Variants in NOTCH3 observed in about 807,000 individuals in gnomAD.
NOTCH3 encodes neurogenic locus notch homolog protein 3.
A neutral mutation model predicts 213.3 loss-of-function variants in NOTCH3; 86 were observed. That is an observed-to-expected ratio of 0.40 (90% CI 0.34 to 0.48). The LOEUF is 0.48. NOTCH3 is among the 20% of genes least tolerant of loss of function. The probability of loss-of-function intolerance (pLI) is 0.57; values close to 1 mark genes in which losing one functional copy is unlikely to be tolerated. For synonymous variants in NOTCH3, 1,354 were observed against 1,355.9 expected, an observed-to-expected ratio of 1.00 and a Z score of 0.03; for missense variants, 2,783 against 3,272.6, an observed-to-expected ratio of 0.85 and a Z score of 3.65.
Position 15,161,547 on chromosome 19 carries a change from G to A in NOTCH3, c.6081C>T (p.Pro2027=). The A allele has an allele frequency of 6.2e-7, 1 of 1,607,064 alleles. No individual in the cohort carries two copies. The highest frequency in any genetic ancestry group is 8.5e-7 in the Non-Finnish European group (1 of 1,177,126). The change falls in exon 33 of 33, where the codon CCC becomes CCT. Residue 2027 remains proline (P), a synonymous_variant. Transcript: ENST00000263388. The stretch of plus-strand genomic sequence containing the variant: ...GACCGGGGGGGCTGCGGGGCCCACT[G>A]GGTTGATCCAGCAAGCGCACGATGT... The part of the protein sequence containing the change: ...HQDIVRLLDQ[P]SGPRSPPGPH...
chr19:15,181,564 G>A lies in NOTCH3; in HGVS notation c.2792+12C>T. The A allele has an allele frequency of 6.5e-7, 1 of 1,548,408 alleles. No homozygotes were observed. Among genetic ancestry groups the A allele is most frequent in the Non-Finnish European group, 8.7e-7 (1 of 1,145,152 alleles). ...CCAGAGTCCCTGCTCTCCAAGCAGAGGCCCCGCCCACCTGGGGCTGCAGTC... is the reference window on the plus strand; with the variant it reads ...CCAGAGTCCCTGCTCTCCAAGCAGAAGCCCCGCCCACCTGGGGCTGCAGTC... On this transcript the variant is annotated intron_variant, in intron 17 of 32. Transcript: ENST00000263388.
At chr19:15,173,686 G>A (rs899466712) in intron 25 of NOTCH3, among the ~76,000 whole-genome samples, 4 of 140,290 alleles carry the variant, frequency 2.9e-5, no homozygotes, top group African/African-American at 5.3e-5. Context: ...CTGAGATCAC[G>A]CCACTGCACT....
chr19:15,181,144 C>T lies in NOTCH3; in HGVS notation c.2811G>A (p.Gly937=). 6.2e-7 allele frequency: 1 copy of T among 1,610,468 alleles called. No individual in the cohort carries two copies. Among genetic ancestry groups the T allele is most frequent in the African/African-American group, 1.3e-5 (1 of 75,024 alleles). Residue 937 remains glycine, a synonymous_variant, in exon 18 of 33, where the codon GGG becomes GGA. Coordinates refer to ENST00000263388, the MANE Select transcript of NOTCH3 (RefSeq NM_000435.3). ...DCSPSSCFNG[G]TCVDGVNSFS... ...ACGAGTTCACGCCGTCCACACAGGT[C>T]CCGCCATTGAAGCAGGAGCTGGAGC...
chr19:15,191,889 A>T, intron 4 of NOTCH3, 22 bp from the exon 5 acceptor site: 1 of 1,613,862 alleles, frequency 6.2e-7, no homozygotes, highest in Non-Finnish European at 8.5e-7. Context: ...GGGGGCAAGG[A>T]TGGTCACCGC....
chr19:15,170,233 G>T, intron 27 of NOTCH3, 63 bp from the exon 28 acceptor site: 1 of 1,505,332 alleles, frequency 6.6e-7, no homozygotes, highest in Non-Finnish European at 9.2e-7. Flanking sequence ...TGGGAAGGAG[G>T]ATTTGGGGTG....
chr19:15,181,534 C>G, intron 17 of NOTCH3, 42 bp downstream of exon 17: 1 of 1,518,996 alleles, frequency 6.6e-7, no homozygotes, highest in African/African-American at 1.4e-5. Flanking sequence ...AGGCCCCATC[C>G]CAAGCCAGAG....
intron 16 of NOTCH3, among the ~76,000 whole-genome samples, chr19:15,182,262 T>C (rs897607541): frequency 6.6e-6 from 1 of 151,966 alleles, no homozygotes; most frequent in Non-Finnish European, 1.5e-5. Context: ...ATCCCAGCAC[T>C]TTGGGAGGCC....
chr19:15,161,843 G>A (rs981065305), intron 32 of NOTCH3, 129 bp from the exon 33 acceptor site: 3 of 751,322 alleles, frequency 4.0e-6, no homozygotes, highest in African/African-American at 1.8e-5. Flanking sequence ...GTTAAATCCC[G>A]GCTGTGCTGG....
intron 24 of NOTCH3, among the ~76,000 whole-genome samples, chr19:15,175,811 T>C (rs1055004034): frequency 2.0e-5 from 3 of 151,122 alleles, no homozygotes; most frequent in Non-Finnish European, 4.4e-5. Context: ...AAGGCCCTGA[T>C]ATGGGATCAA....
At chr19:15,178,773 CCA>C (rs1213414285) in intron 23 of NOTCH3, 48 bp downstream of exon 23, 4 of 1,338,716 alleles carry the variant, frequency 3.0e-6, no homozygotes, top group Non-Finnish European at 4.2e-6. Context: ...CCCTACTACT[CCA>C]GAGGCCACGC....
chr19:15,184,272 C>T (rs2046863487), intron 16 of NOTCH3, 23 bp downstream of exon 16: 2 of 1,612,570 alleles, frequency 1.2e-6, no homozygotes, highest in East Asian at 2.2e-5. Flanking sequence ...GAGCAGCACC[C>T]CCAAGAGCTC....
chr19:15,200,722 G>T, intron 1 of NOTCH3, 66 bp downstream of exon 1: 1 of 1,160,664 alleles, frequency 8.6e-7, no homozygotes, highest in Non-Finnish European at 1.1e-6. Context: ...GCCAGCCCCG[G>T]CCTTGGGGGT....
intron 31 of NOTCH3, among the ~76,000 whole-genome samples, chr19:15,163,400 C>A (rs2046661203): frequency 6.6e-6 from 1 of 152,214 alleles, no homozygotes; most frequent in Admixed American, 6.5e-5. Context: ...TGAGCTCCAA[C>A]TATAGAACTA....
Position 15,187,048 on chromosome 19 carries a change from C to G in NOTCH3, c.1840+57G>C, listed in dbSNP as rs1035484828. ...ACTGTGCCCCACTAGATGCACCATT[C>G]CCAAACCCTCTGTGCCCCTCCAGGT... On this transcript the variant is annotated intron_variant, in intron 11 of 32. Coordinates refer to ENST00000263388, the MANE Select transcript of NOTCH3 (RefSeq NM_000435.3). 43 of 1,606,168 alleles carry G rather than the reference C, an allele frequency of 2.7e-5. No individual in the cohort carries two copies. In the Admixed American group the frequency reaches 7.3e-4, roughly 27 times the overall value.
At chr19:15,188,827 A>G (rs910361906) in intron 8 of NOTCH3, among the ~76,000 whole-genome samples, 162 bp downstream of exon 8, 6 of 152,138 alleles carry the variant, frequency 3.9e-5, no homozygotes, top group Non-Finnish European at 5.9e-5. Flanking sequence ...AGAATCACAC[A>G]GTATTCCCTT....
rs753801611 is a variant in NOTCH3, at chr19:15,186,926, G to C, written c.1903C>G (p.Arg635Gly). 1.2e-6 allele frequency: 2 copies of C among 1,614,062 alleles called. No homozygotes were observed. Among genetic ancestry groups the C allele is most frequent in the Non-Finnish European group, 1.7e-6 (2 of 1,180,048 alleles). The change falls in exon 12 of 33, where the codon CGT becomes GGT. Residue 635 changes from arginine (R) to glycine (G), a missense_variant. Around this residue, in one of 6 missense-constraint regions of NOTCH3, gnomAD observed 708 missense variants for 906.6 expected, o/e 0.78. Coordinates refer to ENST00000263388, the MANE Select transcript of NOTCH3 (RefSeq NM_000435.3). ...ASNPCTFGVC[R>G]DGINRYDCVC... ...CAGTCGTAGCGGTTGATGCCATCAC[G>C]GCAGACTCCAAAGGTGCAGGGGTTG...
At chr19:15,194,860 G>C (rs998777166) in intron 2 of NOTCH3, among the ~76,000 whole-genome samples, 20 of 151,356 alleles carry the variant, frequency 1.3e-4, no homozygotes, top group African/African-American at 4.9e-4. Context: ...CGGAGGCTGA[G>C]GCAGGAAAAT....
chr19:15,188,518 C>T (rs897466624), intron 8 of NOTCH3, among the ~76,000 whole-genome samples, 170 bp from the exon 9 acceptor site: 6 of 152,114 alleles, frequency 3.9e-5, no homozygotes, highest in Non-Finnish European at 5.9e-5. Context: ...GGACTGTCAC[C>T]CAGCCGTGGT....
At chr19:15,167,206 G>T in intron 29 of NOTCH3, 43 bp downstream of exon 29, 1 of 1,593,818 alleles carries the variant, frequency 6.3e-7, no homozygotes, top group South Asian at 1.1e-5. Context: ...TCACAGGTAG[G>T]ATGGGTGAGG....
Sources: allele counts gnomAD v4.1 joint callset (sites outside exome capture counted in the v4.1 genomes callset), GRCh38; gene constraint gnomAD v4.1.1; regional missense constraint gnomAD v4.1.1; transcripts MANE v1.5; gene names NCBI Gene and HGNC (gene_info 2026-07-23, HGNC 2026-07-21).